Variants in TNS3 observed in about 807,000 individuals in gnomAD.
TNS3 encodes tensin 3.
TNS3 carries 45 observed loss-of-function variants against 140.9 expected under a neutral mutation model. The observed-to-expected ratio is 0.32, with a 90% CI of 0.25 to 0.41. The LOEUF (loss-of-function observed/expected upper bound fraction) is 0.41. Among genes scored for constraint, TNS3 ranks in the 10% least tolerant of loss-of-function variants. TNS3 has a pLI of 1.00. For missense variants in TNS3, 1,716 were observed against 1,906.7 expected, an observed-to-expected ratio of 0.90 and a Z score of 1.86; for synonymous variants, 815 against 788.4, an observed-to-expected ratio of 1.03 and a Z score of -0.56.
At chr7:47,355,674 C>T (rs1219566351) in intron 17 of TNS3, among the ~76,000 whole-genome samples, 2 of 152,208 alleles carry the variant, frequency 1.3e-5, no homozygotes, top group Non-Finnish European at 2.9e-5. Context: ...CGGCAACTTT[C>T]CACCTTGTCC....
intron 15 of TNS3, among the ~76,000 whole-genome samples, chr7:47,397,961 A>C (rs1384472936): frequency 6.6e-6 from 1 of 152,224 alleles, no homozygotes; most frequent in Non-Finnish European, 1.5e-5. Flanking sequence ...AGAAGATTCA[A>C]ATAAATTCAA....
At chr7:47,410,814 G>A (rs997554576) in intron 13 of TNS3, among the ~76,000 whole-genome samples, 1 of 152,170 alleles carries the variant, frequency 6.6e-6, no homozygotes, top group African/African-American at 2.4e-5. Flanking sequence ...CATGCTGAAA[G>A]TCATACATAT....
chr7:47,334,342 T>A (rs530350649), intron 20 of TNS3, among the ~76,000 whole-genome samples: 1 of 152,252 alleles, frequency 6.6e-6, no homozygotes, highest in South Asian at 2.1e-4. Context: ...TATAAAGGCA[T>A]CCTCTTGAAG....
In TNS3 at chr7:47,278,068, G is replaced by A. The variant is rs867898031; in HGVS notation, c.*8C>T. ...GGCATCGGTGGGTCCAGGGAGGGAGGGGAGTTCTCAGACCTTCTTTGGGGA... is the reference window on the plus strand; with the variant it reads ...GGCATCGGTGGGTCCAGGGAGGGAGAGGAGTTCTCAGACCTTCTTTGGGGA... On this transcript the variant is annotated 3_prime_UTR_variant, in exon 31 of 31. Transcript: ENST00000311160. 1 of 1,613,956 alleles carries A rather than the reference G, an allele frequency of 6.2e-7. No individual in the cohort carries two copies. The highest frequency in any genetic ancestry group is 8.5e-7 in the Non-Finnish European group (1 of 1,179,906).
At position 47,482,997 on chromosome 7, in the gene TNS3, C is replaced by A. The variant is rs115199270; in HGVS notation, c.-114-1856G>T. On this transcript the variant is annotated intron_variant, in intron 3 of 30. Coordinates refer to ENST00000311160, the MANE Select transcript of TNS3 (RefSeq NM_022748.12). The stretch of plus-strand genomic sequence containing the variant: ...CTGCTTGACACTATAAGGATGGACG[C>A]ACGTCATTCTGCATTTGTCTAAACC... Among the ~76,000 whole-genome samples, 1,136 of 152,168 alleles carry A rather than the reference C, an allele frequency of 7.5e-3. 12 individuals are homozygous for A. The highest frequency in any genetic ancestry group is 0.026 in the African/African-American group (1,071 of 41,496).
rs148958072 is a variant in TNS3 at position 47,415,710 on chromosome 7, C to T, written c.474-504G>A. Among the ~76,000 whole-genome samples the T allele has an allele frequency of 5.9e-3, 897 of 152,378 alleles. 3 individuals carry two copies. The highest frequency in any genetic ancestry group is 9.9e-3 in the Non-Finnish European group (677 of 68,042). ...TGGAGTCCATACTCCCCTCCTATCCCGCAGCCTTCCACGCCACATCTGATA... is the reference window on the plus strand; with the variant it reads ...TGGAGTCCATACTCCCCTCCTATCCTGCAGCCTTCCACGCCACATCTGATA... On this transcript the variant is annotated intron_variant, in intron 10 of 30. Coordinates refer to ENST00000311160, the MANE Select transcript of TNS3 (RefSeq NM_022748.12).
At chr7:47,278,554 G>GGCA (rs1784979067) in intron 30 of TNS3, 2 of 229,164 alleles carry the variant, frequency 8.7e-6, no homozygotes, top group East Asian at 2.1e-4. Context: ...GAATCTCCTG[G>GGCA]GCACCTGTCC....
chr7:47,541,772 C>T (rs916773313), intron 1 of TNS3, among the ~76,000 whole-genome samples: 3 of 151,850 alleles, frequency 2.0e-5, no homozygotes, highest in Non-Finnish European at 2.9e-5. Context: ...CACGGTGAAA[C>T]CCTGTCTCTA....
chr7:47,561,177 C>T (rs893946771), intron 1 of TNS3, among the ~76,000 whole-genome samples: 5 of 152,202 alleles, frequency 3.3e-5, no homozygotes, highest in Non-Finnish European at 7.3e-5. Flanking sequence ...TTCTGTAGCT[C>T]GAGTGCAATA....
intron 20 of TNS3, among the ~76,000 whole-genome samples, chr7:47,339,970 T>C (rs1788861428): frequency 6.8e-6 from 1 of 146,306 alleles, no homozygotes; most frequent in Non-Finnish European, 1.5e-5. Flanking sequence ...TATATATATA[T>C]ATATATATAT....
intron 4 of TNS3, among the ~76,000 whole-genome samples, chr7:47,453,451 C>T (rs770401060): frequency 4.6e-5 from 7 of 152,146 alleles, no homozygotes; most frequent in Non-Finnish European, 7.3e-5. Context: ...ATGCCTGATG[C>T]CCACTGGCCT....
chr7:47,409,858 C>A (rs1433551024), intron 13 of TNS3, among the ~76,000 whole-genome samples: 1 of 152,076 alleles, frequency 6.6e-6, no homozygotes, highest in Non-Finnish European at 1.5e-5. Flanking sequence ...GGGGTTTCAC[C>A]GTGTCAGCCA....
rs1402700070 is a variant in TNS3, at chr7:47,297,172, C to T, written c.3586G>A (p.Val1196Ile). 2 of 1,613,690 alleles carry T rather than the reference C, an allele frequency of 1.2e-6. No homozygotes were observed. The highest frequency in any genetic ancestry group is 3.3e-5 in the Admixed American group (2 of 59,852). ...LKDKEPGSFIVRDSHSFRGAY... is the reference protein window; with the variant it reads ...LKDKEPGSFIIRDSHSFRGAY... The stretch of plus-strand genomic sequence containing the variant: ...CCTCGGAAGGAATGGCTGTCTCGAA[C>T]AATGAATGAGCCCGGCTCCTTGTCC... Residue 1196 changes from valine to isoleucine, a missense_variant, in exon 24 of 31, where the codon GTT becomes ATT. Physicochemically the swap from Val to Ile is conservative, Grantham distance 29 (BLOSUM62 3). Coordinates refer to ENST00000311160, the MANE Select transcript of TNS3 (RefSeq NM_022748.12).
intron 15 of TNS3, among the ~76,000 whole-genome samples, chr7:47,398,165 AT>A (rs1213373266): frequency 2.6e-5 from 4 of 152,104 alleles, no homozygotes; most frequent in East Asian, 1.9e-4. Flanking sequence ...TGAATCAATA[AT>A]TTTTTTAATG....
intron 1 of TNS3, among the ~76,000 whole-genome samples, chr7:47,533,123 A>ATATATATATATATATATTTT (rs1186427934): frequency 1.1e-5 from 1 of 88,828 alleles, no homozygotes; most frequent in African/African-American, 6.3e-5. Flanking sequence ...ATATATATAT[A>ATATATATATATATATATTTT]TTTTTTTTTT....
chr7:47,348,486 T>A (rs1789478098), intron 17 of TNS3, among the ~76,000 whole-genome samples: 3 of 152,200 alleles, frequency 2.0e-5, no homozygotes, highest in African/African-American at 7.2e-5. Context: ...CTGTTCAACA[T>A]GCAAGATAAT....
intron 1 of TNS3, chr7:47,557,083 G>A (rs1379520980): frequency 2.2e-6 from 1 of 456,832 alleles, no homozygotes; most frequent in Non-Finnish European, 4.4e-6. Context: ...CCACCAGTTG[G>A]TGATGCATCC....
Position 47,446,867 on chromosome 7 carries a change from T to G in TNS3, c.-75-4812A>C, listed in dbSNP as rs187561641. On this transcript the variant is annotated intron_variant, in intron 4 of 30. Transcript: ENST00000311160. ...ACCACCAAATACGGCTAATTTTTGTTTTTTTTTTGTAGAGATGGGGGTCTC... is the reference window on the plus strand; with the variant it reads ...ACCACCAAATACGGCTAATTTTTGTGTTTTTTTTGTAGAGATGGGGGTCTC... Among the ~76,000 whole-genome samples the G allele has an allele frequency of 4.4e-4, 67 of 150,672 alleles. No individual in the cohort carries two copies. In the South Asian group the frequency reaches 6.2e-3, roughly 14 times the overall value.
intron 5 of TNS3, 141 bp downstream of exon 5, chr7:47,441,862 C>A: frequency 3.4e-6 from 2 of 593,368 alleles, no homozygotes; most frequent in South Asian, 1.6e-5. Flanking sequence ...TGGCCTGTAT[C>A]ACCTTTGATT....
Sources: allele counts gnomAD v4.1 joint callset (sites outside exome capture counted in the v4.1 genomes callset), GRCh38; gene constraint gnomAD v4.1.1; transcripts MANE v1.5; gene names NCBI Gene and HGNC (gene_info 2026-07-23, HGNC 2026-07-21).